ZBTB7C: variants seen among roughly 807,000 people sequenced by gnomAD.
The protein encoded by ZBTB7C is zinc finger and BTB domain-containing protein 7C.
Under a neutral mutation model 25.7 loss-of-function variants are expected in ZBTB7C, and 8 were observed. That is an observed-to-expected ratio of 0.31 (90% CI 0.18 to 0.56). The LOEUF is 0.56. Among genes scored for constraint, ZBTB7C ranks in the 20% least tolerant of loss-of-function variants. The pLI, the probability that ZBTB7C is intolerant of heterozygous loss-of-function variation, is 0.91. For synonymous variants in ZBTB7C, 394 were observed against 369.0 expected, an observed-to-expected ratio of 1.07 and a Z score of -0.78; for missense variants, 824 against 855.2, an observed-to-expected ratio of 0.96 and a Z score of 0.46.
intron 3 of ZBTB7C, among the ~76,000 whole-genome samples, chr18:48,044,666 C>T (rs1040655293): frequency 1.3e-5 from 2 of 152,250 alleles, no homozygotes; most frequent in Non-Finnish European, 1.5e-5. Context: ...ATACCTGTCC[C>T]ACCTCCTTGG....
At position 48,396,109 on chromosome 18, in the gene ZBTB7C, C is replaced by A. The variant is rs1177551081; in HGVS notation, c.-304+13117G>T. ...TTTACAACCTTTCTCTCCATCCCTA[C>A]CCCCCTCTCAAAGCAGTTTAGAAAA... On this transcript the variant is annotated intron_variant, in intron 1 of 4. Coordinates refer to ENST00000590800, the MANE Select transcript of ZBTB7C (RefSeq NM_001318841.2). Among the ~76,000 whole-genome samples, 4 of 152,144 alleles carry A rather than the reference C, an allele frequency of 2.6e-5. No individual in the cohort carries two copies. In the East Asian group the frequency reaches 7.7e-4, roughly 29 times the overall value.
chr18:48,401,384 CT>C (rs1174443786), intron 1 of ZBTB7C, among the ~76,000 whole-genome samples: 4 of 152,150 alleles, frequency 2.6e-5, no homozygotes, highest in Admixed American at 2.6e-4. Context: ...ATTATCTTAT[CT>C]CATTTTCTCA....
chr18:48,310,174 G>A (rs1430467726), intron 2 of ZBTB7C, among the ~76,000 whole-genome samples: 3 of 151,458 alleles, frequency 2.0e-5, no homozygotes, highest in South Asian at 2.1e-4. Context: ...AACTTGCAGT[G>A]AGCCGAGATC....
Position 48,155,637 on chromosome 18 carries a change from C to A in ZBTB7C, c.-17+30297G>T, listed in dbSNP as rs564051801. On this transcript the variant is annotated intron_variant, in intron 3 of 4. Transcript: ENST00000590800. ...GGCGTGAGCCACCGCGCCCGGCCAA[C>A]TCTAATATTCTTTACATGTTATATA... 3.3e-5 allele frequency among the ~76,000 whole-genome samples: 5 copies of A among 152,168 alleles called. No homozygotes were observed. The South Asian group carries it at 1.0e-3, about 32-fold the overall frequency.
At chr18:48,195,241 C>T (rs1391975618) in intron 2 of ZBTB7C, among the ~76,000 whole-genome samples, 1 of 152,282 alleles carries the variant, frequency 6.6e-6, no homozygotes, top group African/African-American at 2.4e-5. Context: ...CTTACATAAA[C>T]CATACTCATA....
At chr18:48,328,650 C>T (rs1489114347) in intron 2 of ZBTB7C, among the ~76,000 whole-genome samples, 2 of 152,138 alleles carry the variant, frequency 1.3e-5, no homozygotes, top group Non-Finnish European at 2.9e-5. Flanking sequence ...TGGCAGCACA[C>T]AGTGAGTTCA....
At chr18:48,388,291 A>T (rs2047797103) in intron 1 of ZBTB7C, among the ~76,000 whole-genome samples, 1 of 152,046 alleles carries the variant, frequency 6.6e-6, no homozygotes, top group African/African-American at 2.4e-5. Context: ...CCCAATGCCA[A>T]ATATAAATAC....
At chr18:48,227,038 A>AG (rs1056028047) in intron 2 of ZBTB7C, among the ~76,000 whole-genome samples, 8 of 147,572 alleles carry the variant, frequency 5.4e-5, no homozygotes, top group African/African-American at 2.0e-4. Context: ...AAAAAAAAAA[A>AG]GAAAAAGAAA....
chr18:48,303,149 C>T (rs938610368), intron 2 of ZBTB7C, among the ~76,000 whole-genome samples: 3 of 152,232 alleles, frequency 2.0e-5, no homozygotes, highest in African/African-American at 7.2e-5. Flanking sequence ...GACTTCTGTG[C>T]ACCTCAATAG....
chr18:48,286,243 T>C (rs2045049653), intron 2 of ZBTB7C, among the ~76,000 whole-genome samples: 1 of 151,104 alleles, frequency 6.6e-6, no homozygotes, highest in Non-Finnish European at 1.5e-5. Flanking sequence ...CGTGTGTGTG[T>C]GTGTGTGTGT....
intron 2 of ZBTB7C, among the ~76,000 whole-genome samples, chr18:48,251,697 C>G (rs572774209): frequency 4.6e-5 from 7 of 152,326 alleles, no homozygotes; most frequent in African/African-American, 1.7e-4. Context: ...AATCTGCATA[C>G]TAAAAGATCA....
At chr18:48,185,758 C>T (rs1483786053) in intron 3 of ZBTB7C, among the ~76,000 whole-genome samples, 176 bp downstream of exon 3, 1 of 152,170 alleles carries the variant, frequency 6.6e-6, no homozygotes, top group African/African-American at 2.4e-5. Flanking sequence ...CACCCTCCTC[C>T]AATTCAGTGC....
At chr18:48,091,833 ACCTTCAGAGGCCACTCGGTGGCCT>A (rs950838669) in intron 3 of ZBTB7C, among the ~76,000 whole-genome samples, 2 of 152,168 alleles carry the variant, frequency 1.3e-5, no homozygotes, top group African/African-American at 4.8e-5. Flanking sequence ...GTCCAATGAT[ACCTTCAGAGGCCACTCGGTGGCCT>A]CCGTTTATCC....
chr18:48,253,017 T>C (rs1221167111), intron 2 of ZBTB7C, among the ~76,000 whole-genome samples: 3 of 152,160 alleles, frequency 2.0e-5, no homozygotes, highest in Non-Finnish European at 4.4e-5. Context: ...AAAGATTGTA[T>C]AGACCTATAG....
At chr18:48,202,213 C>T (rs73433315) in intron 2 of ZBTB7C, among the ~76,000 whole-genome samples, 2,129 of 152,280 alleles carry the variant, frequency 0.014, 48 homozygotes, top group African/African-American at 0.047. Flanking sequence ...ACATTGCCTT[C>T]CATGGCCTTG....
At chr18:48,075,132 C>T (rs986862349) in intron 3 of ZBTB7C, among the ~76,000 whole-genome samples, 3 of 152,216 alleles carry the variant, frequency 2.0e-5, no homozygotes, top group Non-Finnish European at 2.9e-5. Flanking sequence ...GTTTTCTCAA[C>T]TCTGCCTCCC....
chr18:48,253,510 G>C (rs1165690568), intron 2 of ZBTB7C, among the ~76,000 whole-genome samples: 1 of 152,184 alleles, frequency 6.6e-6, no homozygotes, highest in Non-Finnish European at 1.5e-5. Context: ...AGCCTTGAGA[G>C]AGTGTCCAGG....
intron 2 of ZBTB7C, among the ~76,000 whole-genome samples, chr18:48,267,400 T>C (rs2044346004): frequency 6.6e-6 from 1 of 152,140 alleles, no homozygotes; most frequent in Non-Finnish European, 1.5e-5. Flanking sequence ...GGCACCACAC[T>C]CTCAGCTGGA....
chr18:48,031,488 C>G (rs1336833000), intron 4 of ZBTB7C, among the ~76,000 whole-genome samples: 1 of 152,218 alleles, frequency 6.6e-6, no homozygotes, highest in Non-Finnish European at 1.5e-5. Context: ...ATGCTGTGGT[C>G]TCTGTAACCC....
Sources: gnomAD v4.1 joint callset for allele counts (sites outside exome capture counted in the v4.1 genomes callset) on GRCh38, gnomAD v4.1.1 for gene constraint, MANE v1.5 for transcripts, NCBI Gene and HGNC (gene_info 2026-07-23, HGNC 2026-07-21) for gene names.